GLRA2: variants seen among roughly 807,000 people sequenced by gnomAD.
The protein encoded by GLRA2 is glycine receptor subunit alpha-2.
Under a neutral mutation model 31.6 loss-of-function variants are expected in GLRA2, and 11 were observed. The ratio of observed to expected loss-of-function variants is 0.35; its 90% CI spans 0.22 to 0.58. The LOEUF is 0.58. Among genes scored for constraint, GLRA2 ranks in the 20% least tolerant of loss-of-function variants. GLRA2 has a pLI of 0.84. For missense variants in GLRA2, 212 were observed against 351.8 expected, an observed-to-expected ratio of 0.60 and a Z score of 3.18; for synonymous variants, 132 against 134.0, an observed-to-expected ratio of 0.99 and a Z score of 0.10.
At chrX:14,510,981 G>T in the GLRA2 span, among the ~76,000 whole-genome samples, 2 of 110,186 alleles carry the variant, frequency 1.8e-5, no homozygotes, top group African/African-American at 3.3e-5. Context: ...ACAATGTGCA[G>T]GTTAGTTACA....
chrX:14,720,065 C>A (rs1417566050), intron 8 of GLRA2, among the ~76,000 whole-genome samples: 2 of 111,185 alleles, frequency 1.8e-5, no homozygotes, highest in African/African-American at 6.6e-5. Flanking sequence ...GGAATAGGGA[C>A]AGTTTGATTA....
At chrX:14,521,439 G>A in the GLRA2 span, among the ~76,000 whole-genome samples, 6 of 111,417 alleles carry the variant, frequency 5.4e-5, no homozygotes, top group South Asian at 3.8e-4. Flanking sequence ...TCCATCCTTC[G>A]GACTCCAAGA....
chrX:14,580,603 C>T (rs1054163408), intron 3 of GLRA2, among the ~76,000 whole-genome samples: 26 of 111,983 alleles, frequency 2.3e-4, no homozygotes, highest in African/African-American at 8.1e-4. Context: ...CACATTCAGA[C>T]AAAATGATAA....
chrX:14,462,670 G>A, the GLRA2 span, among the ~76,000 whole-genome samples: 1 of 111,527 alleles, frequency 9.0e-6, no homozygotes, highest in Non-Finnish European at 1.9e-5. Flanking sequence ...GCTTCACGAA[G>A]TTCTCATACT....
chrX:14,527,590 GGTGACAGA>G (rs2089194125), upstream of GLRA2, among the ~76,000 whole-genome samples: 2 of 108,306 alleles, frequency 1.8e-5, no homozygotes, highest in African/African-American at 6.8e-5. Context: ...ACTCCAGCCC[GGTGACAGA>G]GTGAGACTCC....
At chrX:14,607,630 A>G (rs1461281051) in intron 6 of GLRA2, among the ~76,000 whole-genome samples, 1 of 111,624 alleles carries the variant, frequency 9.0e-6, no homozygotes, top group Non-Finnish European at 1.9e-5. Flanking sequence ...CGCTCTTGCC[A>G]TTGGATGCTT....
At chrX:14,491,327 C>T in the GLRA2 span, among the ~76,000 whole-genome samples, 2 of 111,635 alleles carry the variant, frequency 1.8e-5, no homozygotes, top group Admixed American at 9.5e-5. Flanking sequence ...AGGCCACATA[C>T]TCGCCTATAA....
chrX:14,547,465 T>C (rs1049206791), intron 2 of GLRA2, among the ~76,000 whole-genome samples: 1 of 111,016 alleles, frequency 9.0e-6, no homozygotes, highest in Non-Finnish European at 1.9e-5. Context: ...TGAGGTTGAG[T>C]TTCCAAGAAG....
chrX:14,574,970 C>T (rs1014750926), intron 3 of GLRA2, among the ~76,000 whole-genome samples: 1 of 109,927 alleles, frequency 9.1e-6, no homozygotes, highest in Non-Finnish European at 1.9e-5. Context: ...CCCTTCGATG[C>T]CACATTCAAG....
the GLRA2 span, among the ~76,000 whole-genome samples, chrX:14,479,474 G>A: frequency 1.8e-5 from 2 of 111,338 alleles, no homozygotes; most frequent in Non-Finnish European, 3.8e-5. Context: ...TGGGGGTACA[G>A]ATAATCCCGT....
intron 7 of GLRA2, among the ~76,000 whole-genome samples, chrX:14,614,200 G>A (rs1376896189): frequency 1.8e-5 from 2 of 111,050 alleles, no homozygotes; most frequent in African/African-American, 3.3e-5. Context: ...TGAGGGCTGA[G>A]AGTAATGGGA....
chrX:14,670,671 C>T (rs1267076963), intron 7 of GLRA2, among the ~76,000 whole-genome samples: 1 of 111,076 alleles, frequency 9.0e-6, no homozygotes, highest in Non-Finnish European at 1.9e-5. Context: ...AAAGACCTGC[C>T]CCCATGATTC....
intron 7 of GLRA2, among the ~76,000 whole-genome samples, chrX:14,659,512 T>C (rs769545316): frequency 8.9e-6 from 1 of 112,378 alleles, no homozygotes; most frequent in East Asian, 2.8e-4. Flanking sequence ...TTGGTTCTTA[T>C]GTTGTTTTCT....
intron 7 of GLRA2, among the ~76,000 whole-genome samples, chrX:14,650,435 T>C (rs992404749): frequency 9.0e-6 from 1 of 110,635 alleles, no homozygotes; most frequent in Non-Finnish European, 1.9e-5. Context: ...GACAGGTTAA[T>C]CAAATAAATA....
intron 2 of GLRA2, among the ~76,000 whole-genome samples, chrX:14,533,838 T>A (rs756224204): frequency 9.0e-6 from 1 of 111,217 alleles, no homozygotes; most frequent in African/African-American, 3.2e-5. Flanking sequence ...AAAGTACCAT[T>A]AGGAAATACA....
At chrX:14,681,785 G>T (rs764887498) in intron 7 of GLRA2, among the ~76,000 whole-genome samples, 1 of 100,593 alleles carries the variant, frequency 9.9e-6, no homozygotes, top group Non-Finnish European at 2.0e-5. Flanking sequence ...CCAGTTACTC[G>T]GCAGGCTGAG....
intron 7 of GLRA2, among the ~76,000 whole-genome samples, chrX:14,684,703 A>C (rs191163147): frequency 8.9e-6 from 1 of 111,879 alleles, no homozygotes; most frequent in Non-Finnish European, 1.9e-5. Flanking sequence ...TATCAGCTTA[A>C]GGAGATTTTT....
At chrX:14,670,047 C>G (rs1355430414) in intron 7 of GLRA2, among the ~76,000 whole-genome samples, 2 of 112,065 alleles carry the variant, frequency 1.8e-5, no homozygotes, top group Non-Finnish European at 3.8e-5. Context: ...TTAGAAATTT[C>G]TTCTACAAGA....
At chrX:14,640,401 G>A (rs951436138) in intron 7 of GLRA2, among the ~76,000 whole-genome samples, 4 of 111,594 alleles carry the variant, frequency 3.6e-5, no homozygotes, top group Admixed American at 2.9e-4. Context: ...CTGTTCTATC[G>A]CAAGTAAAAC....
Sources: gnomAD v4.1 joint callset for allele counts (sites outside exome capture counted in the v4.1 genomes callset) on GRCh38, gnomAD v4.1.1 for gene constraint, MANE v1.5 for transcripts, NCBI Gene and HGNC (gene_info 2026-07-23, HGNC 2026-07-21) for gene names.